UBE3A: variants seen among roughly 807,000 people sequenced by gnomAD.
The protein encoded by UBE3A is ubiquitin protein ligase E3A.
A neutral mutation model predicts 83.4 loss-of-function variants in UBE3A; 6 were observed. That is an observed-to-expected ratio of 0.07 (90% CI 0.04 to 0.14). The LOEUF is 0.14. Among genes scored for constraint, UBE3A ranks in the 10% least tolerant of loss-of-function variants. The pLI is 1.00. For missense variants in UBE3A, 456 were observed against 1,036.1 expected, an observed-to-expected ratio of 0.44 and a Z score of 7.69; for synonymous variants, 337 against 355.4, an observed-to-expected ratio of 0.95 and a Z score of 0.58.
intron 4 of UBE3A, among the ~76,000 whole-genome samples, chr15:25,396,333 G>A (rs2085558915): frequency 1.3e-5 from 2 of 152,078 alleles, no homozygotes; most frequent in Admixed American, 6.5e-5. Flanking sequence ...GGCCAGGCAC[G>A]GTGGCTCACG....
At chr15:25,398,105 G>A (rs755610042) in intron 4 of UBE3A, among the ~76,000 whole-genome samples, 20 of 140,584 alleles carry the variant, frequency 1.4e-4, no homozygotes, top group Non-Finnish European at 1.8e-4. Flanking sequence ...GGAAGCAGAG[G>A]ATGCAGTGGC....
intron 4 of UBE3A, among the ~76,000 whole-genome samples, chr15:25,394,165 C>T (rs2085026598): frequency 6.6e-6 from 1 of 152,058 alleles, no homozygotes; most frequent in African/African-American, 2.4e-5. Context: ...ATAATAACTG[C>T]CTATTAATTA....
Position 25,335,216 on chromosome 15 carries a change from T to G in UBE3A, c.*3921A>C, listed in dbSNP as rs2073905196. 6.6e-6 allele frequency: 1 copy of G among 152,132 alleles called. No homozygotes were observed. Among genetic ancestry groups the G allele is most frequent in the Non-Finnish European group, 1.5e-5 (1 of 68,030 alleles). 9.4% of individuals were successfully genotyped at this position (152,132 alleles called of 1,614,324 possible). On this transcript the variant is annotated 3_prime_UTR_variant, in exon 13 of 13. Transcript: ENST00000648336. ...TACCACGGAAGCATTGGAGGCACTT[T>G]GGGGGTTGATGAAGTCTTCATGGAT...
rs762789725 is a variant in UBE3A, at chr15:25,360,374, T to C, written c.1753+9A>G. 1 of 1,613,578 alleles carries C rather than the reference T, an allele frequency of 6.2e-7. No individual in the cohort carries two copies. The highest frequency in any genetic ancestry group is 8.5e-7 in the Non-Finnish European group (1 of 1,179,844). On this transcript the variant is annotated intron_variant, in intron 7 of 12. Coordinates refer to ENST00000648336, the MANE Select transcript of UBE3A (RefSeq NM_130839.5). The stretch of plus-strand genomic sequence containing the variant: ...TACGACACCATAATCACATTACTAA[T>C]GTATTTACCAATATCTGGATTGAAG...
intron 11 of UBE3A, chr15:25,347,286 G>A (rs1255327238): frequency 6.6e-6 from 1 of 152,140 alleles, no homozygotes; most frequent in Non-Finnish European, 1.5e-5. Flanking sequence ...TGGGGAAAGA[G>A]ACCCAACTGA....
intron 1 of UBE3A, among the ~76,000 whole-genome samples, chr15:25,426,668 T>A (rs1891404447): frequency 6.6e-6 from 1 of 152,186 alleles, no homozygotes; most frequent in Non-Finnish European, 1.5e-5. Context: ...AAAACGCTTT[T>A]CAAAAAATCT....
chr15:25,433,534 G>C (rs1345387668), intron 1 of UBE3A, among the ~76,000 whole-genome samples: 1 of 152,076 alleles, frequency 6.6e-6, no homozygotes, highest in African/African-American at 2.4e-5. Context: ...CGTTTGAAAA[G>C]CATACTCTTT....
At chr15:25,397,425 C>T (rs1423977024) in intron 4 of UBE3A, among the ~76,000 whole-genome samples, 1 of 152,142 alleles carries the variant, frequency 6.6e-6, no homozygotes, top group African/African-American at 2.4e-5. Context: ...CCATTCTAAA[C>T]TTGACTCATC....
chr15:25,367,164 T>TATATTTACAAATTTGTAAATATGTAA (rs2079256896), intron 6 of UBE3A, among the ~76,000 whole-genome samples: 12 of 112,000 alleles, frequency 1.1e-4, no homozygotes, highest in Admixed American at 6.7e-4. Flanking sequence ...CACAAATGGG[T>TATATTTACAAATTTGTAAATATGTAA]ATATTTACAT....
chr15:25,401,955 ATTGT>A (rs1191329215), intron 4 of UBE3A, among the ~76,000 whole-genome samples: 1 of 152,068 alleles, frequency 6.6e-6, no homozygotes, highest in Admixed American at 6.6e-5. Flanking sequence ...ATTTTGTTGA[ATTGT>A]TTATCTGCAT....
At chr15:25,345,363 G>A (rs2719878) in intron 11 of UBE3A, among the ~76,000 whole-genome samples, 147,931 of 152,294 alleles carry the variant, frequency 0.97, 71,863 homozygotes, top group East Asian at 1. Flanking sequence ...AATAACTTCC[G>A]AATGGACCAG....
At chr15:25,351,312 C>T (rs936012264) in intron 11 of UBE3A, among the ~76,000 whole-genome samples, 1 of 152,046 alleles carries the variant, frequency 6.6e-6, no homozygotes, top group Admixed American at 6.6e-5. Context: ...ATAAAGAATT[C>T]GAGTATCACA....
At chr15:25,367,256 T>C (rs2079417889) in intron 6 of UBE3A, among the ~76,000 whole-genome samples, 1 of 93,086 alleles carries the variant, frequency 1.1e-5, no homozygotes, top group South Asian at 3.6e-4. Flanking sequence ...TTTGCATATT[T>C]GTAAATATGT....
At position 25,350,250 on chromosome 15, in the gene UBE3A, G is replaced by A. The variant is rs571532266; in HGVS notation, c.2354+4103C>T. 6.1e-4 allele frequency among the ~76,000 whole-genome samples: 92 copies of A among 151,676 alleles called. 3 individuals carry two copies. The South Asian group carries it at 0.019, about 31-fold the overall frequency. Reference sequence around the variant, plus strand: ...CAGGAGTTTCAGTTTATAACAATCTGTAGTCATGCTACTGCACTCCAGCCT... The same window carrying A: ...CAGGAGTTTCAGTTTATAACAATCTATAGTCATGCTACTGCACTCCAGCCT... On this transcript the variant is annotated intron_variant, in intron 11 of 12. Coordinates refer to ENST00000648336, the MANE Select transcript of UBE3A (RefSeq NM_130839.5).
intron 4 of UBE3A, among the ~76,000 whole-genome samples, chr15:25,382,084 C>T (rs777835731): frequency 1.6e-4 from 24 of 152,196 alleles, no homozygotes; most frequent in East Asian, 1.4e-3. Context: ...TTTGGGAGGC[C>T]GAGGCAGGCG....
chr15:25,366,655 T>C (rs1446473211), intron 6 of UBE3A, among the ~76,000 whole-genome samples: 1 of 152,186 alleles, frequency 6.6e-6, no homozygotes, highest in East Asian at 1.9e-4. Context: ...TCATCCTCTA[T>C]TCCAAGCTTG....
At chr15:25,367,264 TG>T (rs2079428974) in intron 6 of UBE3A, among the ~76,000 whole-genome samples, 1 of 113,540 alleles carries the variant, frequency 8.8e-6, no homozygotes, top group Admixed American at 9.1e-5. Context: ...TTTGTAAATA[TG>T]TAAATATTTA....
chr15:25,372,164 CA>C (rs1457635996), intron 5 of UBE3A, among the ~76,000 whole-genome samples: 1 of 152,086 alleles, frequency 6.6e-6, no homozygotes, highest in Non-Finnish European at 1.5e-5. Flanking sequence ...ACTGATTAAT[CA>C]TAATACAGCT....
intron 4 of UBE3A, among the ~76,000 whole-genome samples, chr15:25,396,152 A>G (rs545348867): frequency 6.6e-6 from 1 of 151,948 alleles, no homozygotes; most frequent in South Asian, 2.1e-4. Flanking sequence ...CAGTGAGCCA[A>G]ATTGCGCCAC....
Sources: gnomAD v4.1 joint callset for allele counts (sites outside exome capture counted in the v4.1 genomes callset) on GRCh38, gnomAD v4.1.1 for gene constraint, MANE v1.5 for transcripts, NCBI Gene and HGNC (gene_info 2026-07-23, HGNC 2026-07-21) for gene names.